The following PCDH15 variants were observed in gnomAD, a reference collection of about 807,000 sequenced individuals.
The protein encoded by PCDH15 is protocadherin-15.
A neutral mutation model predicts 178.5 loss-of-function variants in PCDH15; 129 were observed. That is an observed-to-expected ratio of 0.72 (90% CI 0.63 to 0.84). The LOEUF (loss-of-function observed/expected upper bound fraction) is 0.84. PCDH15 is among the 40% of genes least tolerant of loss of function. The probability of loss-of-function intolerance (pLI) is 0.00; values close to 1 mark genes in which losing one functional copy is unlikely to be tolerated. For missense variants in PCDH15, 2,230 were observed against 2,099.9 expected, an observed-to-expected ratio of 1.06 and a Z score of -1.21; for synonymous variants, 800 against 732.0, an observed-to-expected ratio of 1.09 and a Z score of -1.50.
intron 3 of PCDH15, among the ~76,000 whole-genome samples, chr10:54,813,943 C>T (rs754279677): frequency 3.3e-5 from 5 of 152,040 alleles, no homozygotes; most frequent in Non-Finnish European, 7.4e-5. Context: ...TGATTCTGAA[C>T]ACTATTTAAT....
intron 21 of PCDH15, among the ~76,000 whole-genome samples, chr10:53,988,348 G>A (rs1026683655): frequency 6.6e-5 from 10 of 152,144 alleles, no homozygotes; most frequent in Admixed American, 5.9e-4. Context: ...ACCTGAGGCC[G>A]AGGGGATGGG....
intron 15 of PCDH15, among the ~76,000 whole-genome samples, chr10:54,103,947 C>T (rs558942773): frequency 6.6e-6 from 1 of 152,130 alleles, no homozygotes; most frequent in African/African-American, 2.4e-5. Flanking sequence ...AAAATAAACT[C>T]GAGCAGTTCT....
intron 17 of PCDH15, among the ~76,000 whole-genome samples, chr10:54,072,937 T>C (rs1033654318): frequency 4.6e-5 from 7 of 152,196 alleles, no homozygotes; most frequent in Admixed American, 1.3e-4. Context: ...ATTTATATTG[T>C]CTTAAACAGA....
intron 1 of PCDH15, among the ~76,000 whole-genome samples, chr10:55,300,820 T>A (rs1189355732): frequency 6.6e-6 from 1 of 152,204 alleles, no homozygotes; most frequent in Non-Finnish European, 1.5e-5. Context: ...ACAGATCTTA[T>A]CTGCCCTTTA....
chr10:54,031,956 C>T (rs1405704358), intron 18 of PCDH15, among the ~76,000 whole-genome samples: 1 of 151,894 alleles, frequency 6.6e-6, no homozygotes, highest in African/African-American at 2.4e-5. Flanking sequence ...TTCATATTTC[C>T]CCACCATTGC....
At chr10:55,518,613 T>G (rs1841077937) in intron 2 of PCDH15, among the ~76,000 whole-genome samples, 1 of 151,930 alleles carries the variant, frequency 6.6e-6, no homozygotes, top group African/African-American at 2.4e-5. Context: ...CGGGCCTTAA[T>G]AAACACATGC....
At chr10:55,098,842 G>C (rs1842506837) in intron 2 of PCDH15, among the ~76,000 whole-genome samples, 1 of 149,410 alleles carries the variant, frequency 6.7e-6, no homozygotes, top group Admixed American at 6.7e-5. Flanking sequence ...CTTTGAAACA[G>C]AGAATACAGA....
chr10:53,844,348 A>C (rs545905278), intron 28 of PCDH15, among the ~76,000 whole-genome samples: 1 of 152,222 alleles, frequency 6.6e-6, no homozygotes, highest in East Asian at 1.9e-4. Context: ...GGTTCATTAA[A>C]TGCTCAGCCT....
chr10:55,105,327 A>G (rs566712826), intron 2 of PCDH15, among the ~76,000 whole-genome samples: 2 of 152,230 alleles, frequency 1.3e-5, no homozygotes, highest in African/African-American at 4.8e-5. Context: ...AGTTTTCTAA[A>G]TACATTTATT....
chr10:55,224,215 CA>C (rs1309031889), intron 1 of PCDH15, among the ~76,000 whole-genome samples: 3 of 147,968 alleles, frequency 2.0e-5, no homozygotes, highest in East Asian at 1.9e-4. Context: ...GAAACAAAAA[CA>C]AAACAAAAAA....
At chr10:54,683,056 AGC>A (rs2135685377) in intron 1 of PCDH15, among the ~76,000 whole-genome samples, 1 of 152,258 alleles carries the variant, frequency 6.6e-6, no homozygotes, top group South Asian at 2.1e-4. Flanking sequence ...TGCAAAACCA[AGC>A]ATCTTTGAGG....
intron 2 of PCDH15, among the ~76,000 whole-genome samples, chr10:55,453,129 T>A (rs920606605): frequency 3.3e-5 from 5 of 152,200 alleles, no homozygotes; most frequent in Non-Finnish European, 7.3e-5. Context: ...ATTTGAGGGT[T>A]AAGCAAGCTG....
intron 2 of PCDH15, among the ~76,000 whole-genome samples, chr10:54,905,101 C>T (rs1954697583): frequency 6.6e-6 from 1 of 151,878 alleles, no homozygotes; most frequent in African/African-American, 2.4e-5. Context: ...GGTCCCACAC[C>T]TAATAAATAA....
At chr10:54,978,399 A>C (rs1048430929) in intron 2 of PCDH15, among the ~76,000 whole-genome samples, 2 of 152,144 alleles carry the variant, frequency 1.3e-5, no homozygotes, top group African/African-American at 4.8e-5. Context: ...GGGTAGAGAT[A>C]ATTTTACAAT....
intron 37 of PCDH15, chr10:53,808,737 C>T (rs2075749987): frequency 6.2e-7 from 1 of 1,613,146 alleles, no homozygotes; most frequent in South Asian, 1.1e-5. Context: ...CTGGCGACTT[C>T]TTTTGGTTTG....
chr10:54,643,707 T>A (rs928708764), intron 2 of PCDH15, among the ~76,000 whole-genome samples: 5 of 151,802 alleles, frequency 3.3e-5, no homozygotes, highest in Middle Eastern at 3.2e-3. Context: ...AGAAAAATAT[T>A]CCATTTGAAA....
chr10:55,477,616 T>C (rs890121347), intron 2 of PCDH15, among the ~76,000 whole-genome samples: 1 of 151,936 alleles, frequency 6.6e-6, no homozygotes, highest in African/African-American at 2.4e-5. Context: ...GCACAAACAC[T>C]TGTGATTTCG....
intron 2 of PCDH15, among the ~76,000 whole-genome samples, chr10:55,451,235 A>C (rs1839428632): frequency 6.6e-6 from 1 of 152,142 alleles, no homozygotes; most frequent in East Asian, 1.9e-4. Flanking sequence ...GTGGTGGCTC[A>C]CACCTGTAAT....
chr10:54,279,359 T>C (rs1418768264), intron 8 of PCDH15, among the ~76,000 whole-genome samples: 1 of 151,578 alleles, frequency 6.6e-6, no homozygotes, highest in Admixed American at 6.6e-5. Context: ...TTGAAATTAA[T>C]TATTTTAAGT....
Sources: gnomAD v4.1 joint callset for allele counts (sites outside exome capture counted in the v4.1 genomes callset) on GRCh38, gnomAD v4.1.1 for gene constraint, MANE v1.5 for transcripts, NCBI Gene and HGNC (gene_info 2026-07-23, HGNC 2026-07-21) for gene names.